PRH1: variants seen among roughly 807,000 people sequenced by gnomAD.
PRH1 encodes salivary acidic proline-rich phosphoprotein 1/2.
A neutral mutation model predicts 7.9 loss-of-function variants in PRH1; 7 were observed. That is an observed-to-expected ratio of 0.89 (90% confidence interval 0.50 to 1.67). PRH1 has a LOEUF of 1.67. PRH1 is among the 40% of genes most tolerant of loss of function. The pLI is 0.00. For missense variants in PRH1, 109 were observed against 223.6 expected (o/e 0.49, Z 3.27); for synonymous variants, 45 against 80.8 (o/e 0.56, Z 2.38).
In PRH1 at chr12:11,114,561, G is replaced by A. The variant is rs188652932; in HGVS notation, n.123+56861C>T. ...GGAGAAATATCTAATGTAGATGACG[G>A]GTTGATGGGTGCAGCAAACCACCAT... is the stretch of plus-strand genomic sequence containing the variant. On this transcript the variant is annotated intron_variant and non_coding_transcript_variant, in intron 1 of 4. Coordinates refer to the PRH1 transcript ENST00000541977. Among the ~76,000 whole-genome samples the A allele has an allele frequency of 1.1e-4, 17 of 152,182 alleles. No homozygotes were observed. In the East Asian group the frequency reaches 3.3e-3, roughly 29 times the overall value.
chr12:10,948,380 T>C (rs1950519382), intron 2 of PRH1, among the ~76,000 whole-genome samples: 2 of 152,246 alleles, frequency 1.3e-5, no homozygotes, highest in Admixed American at 1.3e-4. Flanking sequence ...AAACCAGTCT[T>C]CAAGTTCTGA....
intron 1 of PRH1, among the ~76,000 whole-genome samples, chr12:11,161,379 G>A (rs948264217): frequency 1.8e-4 from 27 of 152,240 alleles, no homozygotes; most frequent in Admixed American, 2.0e-4. Context: ...AATTTGTTTA[G>A]AGGATTTGGA....
At chr12:11,038,479 C>G (rs1205742014) in intron 1 of PRH1, among the ~76,000 whole-genome samples, 1 of 152,230 alleles carries the variant, frequency 6.6e-6, no homozygotes, top group Non-Finnish European at 1.5e-5. Flanking sequence ...GAATGTTTTT[C>G]AAACTTTATG....
At chr12:10,921,723 C>T (rs574119557) in intron 2 of PRH1, among the ~76,000 whole-genome samples, 151 of 152,244 alleles carry the variant, frequency 9.9e-4, no homozygotes, top group African/African-American at 3.4e-3. Flanking sequence ...TTTGCTGAGT[C>T]TATGACTTGG....
chr12:11,085,375 T>C (rs1944652418), intron 1 of PRH1, among the ~76,000 whole-genome samples: 1 of 119,584 alleles, frequency 8.4e-6, no homozygotes, highest in African/African-American at 2.8e-5. Flanking sequence ...AAGGTGCCCA[T>C]GGGAAAATAC....
At chr12:10,994,666 C>T (rs779136534) in intron 1 of PRH1, among the ~76,000 whole-genome samples, 1 of 151,910 alleles carries the variant, frequency 6.6e-6, no homozygotes, top group Non-Finnish European at 1.5e-5. Flanking sequence ...ATAAGATATT[C>T]ATTCAGTGTT....
chr12:11,132,014 G>A (rs1946359492), intron 1 of PRH1, among the ~76,000 whole-genome samples: 1 of 152,110 alleles, frequency 6.6e-6, no homozygotes, highest in Non-Finnish European at 1.5e-5. Context: ...TACTGAGGAA[G>A]ATACATGATT....
chr12:11,009,156 A>T (rs1044360704), intron 1 of PRH1, among the ~76,000 whole-genome samples: 1 of 151,784 alleles, frequency 6.6e-6, no homozygotes, highest in Non-Finnish European at 1.5e-5. Context: ...ATTTTATCTG[A>T]AAAAATATCA....
rs1378115811 is a variant in PRH1, at chr12:11,080,324, C to T, written n.124-33136G>A. Reference sequence around the variant, plus strand: ...CATGTACATGTGATCCACTTCTTTTCGCTTCTGTATAACTTTTCATTTTAT... The same window carrying T: ...CATGTACATGTGATCCACTTCTTTTTGCTTCTGTATAACTTTTCATTTTAT... On this transcript the variant is annotated intron_variant and non_coding_transcript_variant, in intron 1 of 4. Transcript: ENST00000541977. Among the ~76,000 whole-genome samples the T allele has an allele frequency of 4.3e-4, 49 of 114,722 alleles. 13 individuals carry two copies. The highest frequency in any genetic ancestry group is 5.2e-4 in the Non-Finnish European group (25 of 48,354). 75.3% of individuals were successfully genotyped at this position (114,722 alleles called of 152,430 possible).
At chr12:11,147,222 C>G (rs546178411) in intron 1 of PRH1, among the ~76,000 whole-genome samples, 52 of 152,146 alleles carry the variant, frequency 3.4e-4, no homozygotes, top group Non-Finnish European at 7.1e-4. Flanking sequence ...CAATGTCTCA[C>G]TCCAGTTGCC....
intron 1 of PRH1, chr12:10,996,785 A>G: frequency 2.1e-6 from 1 of 468,570 alleles, no homozygotes; most frequent in Middle Eastern, 5.8e-4. Context: ...TTATATATAT[A>G]TACTTTTATA....
intron 1 of PRH1, among the ~76,000 whole-genome samples, chr12:11,023,239 A>G (rs960595343): frequency 1.3e-5 from 2 of 152,212 alleles, no homozygotes; most frequent in Non-Finnish European, 2.9e-5. Context: ...ACACATAGAC[A>G]CACATGCACT....
chr12:10,891,143 A>T (rs1949567611), intron 2 of PRH1, among the ~76,000 whole-genome samples: 1 of 152,204 alleles, frequency 6.6e-6, no homozygotes, highest in Non-Finnish European at 1.5e-5. Context: ...GAATAGAGGT[A>T]AAGAAGTTAT....
At chr12:11,102,851 AT>A (rs1420383288) in intron 1 of PRH1, among the ~76,000 whole-genome samples, 3 of 152,212 alleles carry the variant, frequency 2.0e-5, no homozygotes, top group Admixed American at 6.5e-5. Flanking sequence ...CAAGAAAAAA[AT>A]CAAACAACCC....
chr12:11,017,763 T>G (rs1374063490), intron 1 of PRH1, among the ~76,000 whole-genome samples: 2 of 151,988 alleles, frequency 1.3e-5, no homozygotes, highest in Non-Finnish European at 2.9e-5. Flanking sequence ...AAAGTGCTGG[T>G]ATTACAGGCG....
intron 2 of PRH1, chr12:10,938,340 C>T (rs751846547): frequency 2.9e-5 from 46 of 1,613,922 alleles, no homozygotes; most frequent in Non-Finnish European, 3.6e-5. Context: ...GACAGAGAGG[C>T]CTGTCTCAGC....
At chr12:11,141,261 C>T (rs1316503806) in intron 1 of PRH1, among the ~76,000 whole-genome samples, 2 of 152,144 alleles carry the variant, frequency 1.3e-5, no homozygotes, top group African/African-American at 2.4e-5. Context: ...CTAGTTAATA[C>T]TTAAATATTT....
At chr12:11,045,274 G>C (rs1942862134) in intron 1 of PRH1, among the ~76,000 whole-genome samples, 1 of 151,406 alleles carries the variant, frequency 6.6e-6, no homozygotes, top group Non-Finnish European at 1.5e-5. Flanking sequence ...GGCTGGGAAA[G>C]GTAGTGGAGG....
intron 1 of PRH1, among the ~76,000 whole-genome samples, chr12:10,992,347 TA>T (rs35101759): frequency 0.3 from 46,282 of 151,850 alleles, 8,911 homozygotes; most frequent in East Asian, 0.74. Context: ...ATTTGAGAAC[TA>T]AAAAAAGACA....
Sources: gnomAD v4.1 joint callset for allele counts (sites outside exome capture counted in the v4.1 genomes callset) on GRCh38, gnomAD v4.1.1 for gene constraint, MANE v1.5 for transcripts, NCBI Gene and HGNC (gene_info 2026-07-23, HGNC 2026-07-21) for gene names.